Variants in CNTN5 observed in about 807,000 individuals in gnomAD.
CNTN5 encodes contactin 5, also known as contactin-5.
CNTN5 carries 77 observed loss-of-function variants against 129.1 expected under a neutral mutation model. The observed-to-expected ratio is 0.60, with a 90% CI of 0.50 to 0.72. CNTN5 has a LOEUF of 0.72. CNTN5 is among the 30% of genes least tolerant of loss of function. The pLI is 0.00. For missense variants in CNTN5, 1,478 were observed against 1,328.8 expected (o/e 1.11, Z -1.75); for synonymous variants, 509 against 465.6 (o/e 1.09, Z -1.20).
At chr11:99,349,077 T>C (rs1938107444) in intron 2 of CNTN5, among the ~76,000 whole-genome samples, 1 of 152,168 alleles carries the variant, frequency 6.6e-6, no homozygotes, top group Non-Finnish European at 1.5e-5. Context: ...TGGTAAGTGC[T>C]ATAGAGAAAC....
intron 3 of CNTN5, among the ~76,000 whole-genome samples, chr11:99,682,910 A>G (rs35049633): frequency 0.11 from 16,426 of 151,894 alleles, 984 homozygotes; most frequent in Admixed American, 0.16. Flanking sequence ...TCTGTGCACT[A>G]AAAAATACAA....
At chr11:99,445,100 A>G (rs1293221118) in intron 2 of CNTN5, among the ~76,000 whole-genome samples, 3 of 148,494 alleles carry the variant, frequency 2.0e-5, no homozygotes, top group African/African-American at 7.3e-5. Context: ...TTGTATATTT[A>G]TATATGTATA....
rs1378171084 is a variant in CNTN5, at chr11:99,836,207, A to G, written c.278-8645A>G. On this transcript the variant is annotated intron_variant, in intron 4 of 24. Transcript: ENST00000524871. ...TGTGCGCAACGTGCAGGTTTGTTAC[A>G]TATGTATACATGTGCCATGTTGGTG... Among the ~76,000 whole-genome samples, 4 of 149,806 alleles carry G rather than the reference A, an allele frequency of 2.7e-5. No homozygotes were observed. In the East Asian group the frequency reaches 7.9e-4, roughly 30 times the overall value.
chr11:99,469,577 T>C (rs1438540681), intron 2 of CNTN5, among the ~76,000 whole-genome samples: 1 of 152,142 alleles, frequency 6.6e-6, no homozygotes, highest in Admixed American at 6.5e-5. Flanking sequence ...CACAAAGTAG[T>C]TTAAACAGAG....
chr11:99,749,748 C>G (rs1944170018), intron 3 of CNTN5, among the ~76,000 whole-genome samples: 1 of 152,188 alleles, frequency 6.6e-6, no homozygotes, highest in Non-Finnish European at 1.5e-5. Flanking sequence ...ATATTTTCAT[C>G]TAGCACAACT....
chr11:100,315,598 T>A (rs573485641), intron 21 of CNTN5, among the ~76,000 whole-genome samples: 11 of 152,282 alleles, frequency 7.2e-5, no homozygotes, highest in African/African-American at 2.4e-4. Context: ...AGAACTCTAC[T>A]GTACAAAGAA....
At chr11:99,177,566 G>C (rs1455648846) in intron 1 of CNTN5, among the ~76,000 whole-genome samples, 3 of 152,170 alleles carry the variant, frequency 2.0e-5, no homozygotes, top group Non-Finnish European at 2.9e-5. Context: ...CAAAATCTTG[G>C]TGTTATGCAT....
intron 3 of CNTN5, among the ~76,000 whole-genome samples, chr11:99,563,383 G>A (rs937058331): frequency 1.3e-5 from 2 of 152,110 alleles, no homozygotes; most frequent in African/African-American, 4.8e-5. Context: ...AGAGAGCTTG[G>A]AAAAGACAAA....
intron 1 of CNTN5, among the ~76,000 whole-genome samples, chr11:99,222,837 T>A (rs1860465629): frequency 6.6e-6 from 1 of 152,178 alleles, no homozygotes; most frequent in South Asian, 2.1e-4. Flanking sequence ...CCATTCTTAA[T>A]AACTGTTTTG....
At chr11:99,390,515 A>G (rs555883285) in intron 2 of CNTN5, among the ~76,000 whole-genome samples, 1 of 152,364 alleles carries the variant, frequency 6.6e-6, no homozygotes, top group African/African-American at 2.4e-5. Context: ...CTAAAATGTT[A>G]TAGTTTGACA....
At chr11:99,054,166 C>G (rs1030070152) in intron 1 of CNTN5, among the ~76,000 whole-genome samples, 2 of 151,936 alleles carry the variant, frequency 1.3e-5, no homozygotes, top group African/African-American at 4.8e-5. Flanking sequence ...AGTCTGGAAT[C>G]ACAACTTATT....
At chr11:100,063,178 C>G (rs553700202) in intron 10 of CNTN5, among the ~76,000 whole-genome samples, 1 of 152,020 alleles carries the variant, frequency 6.6e-6, no homozygotes, top group Non-Finnish European at 1.5e-5. Context: ...TCTACTTACT[C>G]CTCCCTTAAC....
At chr11:99,364,969 T>C (rs750018162) in intron 2 of CNTN5, among the ~76,000 whole-genome samples, 1 of 152,070 alleles carries the variant, frequency 6.6e-6, no homozygotes, top group Non-Finnish European at 1.5e-5. Context: ...AGGGAAAAGA[T>C]TGGAGATACA....
intron 8 of CNTN5, among the ~76,000 whole-genome samples, chr11:99,968,115 T>C (rs1951145232): frequency 1.3e-5 from 2 of 152,042 alleles, no homozygotes; most frequent in Non-Finnish European, 2.9e-5. Flanking sequence ...TTTCAGTCCA[T>C]GTGGGATCTT....
intron 2 of CNTN5, among the ~76,000 whole-genome samples, chr11:99,518,885 A>G (rs979883557): frequency 3.9e-5 from 6 of 152,068 alleles, no homozygotes; most frequent in Non-Finnish European, 1.5e-5. Context: ...ACTGTGAATT[A>G]GCCTCCTAAT....
intron 1 of CNTN5, among the ~76,000 whole-genome samples, chr11:99,102,058 T>A (rs1248723827): frequency 6.6e-6 from 1 of 152,114 alleles, no homozygotes; most frequent in Non-Finnish European, 1.5e-5. Flanking sequence ...GTGCCTACAG[T>A]CTCAATACCA....
At chr11:99,330,265 C>T (rs1473313803) in intron 2 of CNTN5, among the ~76,000 whole-genome samples, 1 of 124,972 alleles carries the variant, frequency 8.0e-6, no homozygotes, top group African/African-American at 2.7e-5. Flanking sequence ...AGGAGAGAGA[C>T]AGAGTAAGGG....
chr11:99,130,750 T>C (rs1363344451), intron 1 of CNTN5, among the ~76,000 whole-genome samples: 1 of 152,080 alleles, frequency 6.6e-6, no homozygotes, highest in African/African-American at 2.4e-5. Context: ...ACTGAAATCA[T>C]AAGAAACAGT....
chr11:99,253,667 G>T (rs2135799737), intron 1 of CNTN5, among the ~76,000 whole-genome samples: 1 of 151,518 alleles, frequency 6.6e-6, no homozygotes, highest in East Asian at 1.9e-4. Flanking sequence ...TCTTTATTTA[G>T]ATTGTATGCA....
Sources: gnomAD v4.1 joint callset for allele counts (sites outside exome capture counted in the v4.1 genomes callset) on GRCh38, gnomAD v4.1.1 for gene constraint, MANE v1.5 for transcripts, NCBI Gene and HGNC (gene_info 2026-07-23, HGNC 2026-07-21) for gene names.